MAD1L1: variants seen among roughly 807,000 people sequenced by gnomAD.
The protein encoded by MAD1L1 is mitotic arrest deficient 1 like 1.
MAD1L1 carries 95 observed loss-of-function variants against 96.9 expected under a neutral mutation model. The observed-to-expected ratio is 0.98, with a 90% CI of 0.83 to 1.16. The LOEUF is 1.16. MAD1L1 is among the 50% of genes most tolerant of loss of function. MAD1L1 has a pLI of 0.00. For synonymous variants in MAD1L1, 473 were observed against 396.6 expected (o/e 1.19, Z -2.29); for missense variants, 1,007 against 954.4 (o/e 1.06, Z -0.73).
At chr7:1,851,349 C>T (rs904741355) in intron 18 of MAD1L1, among the ~76,000 whole-genome samples, 5 of 152,206 alleles carry the variant, frequency 3.3e-5, no homozygotes, top group Non-Finnish European at 7.3e-5. Context: ...GGTGTCTGCA[C>T]GTTCGTCCTG....
intron 12 of MAD1L1, among the ~76,000 whole-genome samples, chr7:2,015,205 A>T (rs937966345): frequency 1.3e-5 from 2 of 152,118 alleles, no homozygotes; most frequent in Non-Finnish European, 2.9e-5. Context: ...TTCCAATGGG[A>T]CAGGAAACCC....
chr7:2,160,671 C>T (rs1454074939), intron 10 of MAD1L1, among the ~76,000 whole-genome samples: 1 of 148,230 alleles, frequency 6.7e-6, no homozygotes, highest in Non-Finnish European at 1.5e-5. Flanking sequence ...CTCGCTCTGT[C>T]GCCCAGGCTG....
At chr7:2,065,947 A>G (rs1321683191) in intron 12 of MAD1L1, among the ~76,000 whole-genome samples, 2 of 152,266 alleles carry the variant, frequency 1.3e-5, no homozygotes, top group East Asian at 3.8e-4. Flanking sequence ...AGCTTGGGGC[A>G]CTGGAGAAAC....
intron 11 of MAD1L1, among the ~76,000 whole-genome samples, chr7:2,127,668 A>G (rs1162599566): frequency 2.0e-5 from 3 of 152,164 alleles, no homozygotes; most frequent in African/African-American, 7.2e-5. Context: ...GCGGACCCAC[A>G]GGAACCCACC....
chr7:1,946,255 C>T (rs1399303684), intron 16 of MAD1L1, among the ~76,000 whole-genome samples: 1 of 152,198 alleles, frequency 6.6e-6, no homozygotes, highest in Non-Finnish European at 1.5e-5. Context: ...AGGCTCCAGG[C>T]GTGGGGAGAA....
rs1406370938 is a variant in MAD1L1 at position 2,142,626 on chromosome 7, C to T, written c.1073+6526G>A. On this transcript the variant is annotated intron_variant, in intron 11 of 18. Transcript: ENST00000265854. The surrounding 1 kb of genome is among the most constrained non-coding windows in gnomAD (Gnocchi z 4.7). ...TGGACCAGACAGGCATGGCAGGCTGCCACCGTGGAATACATGGAGACAGCC... is the reference window on the plus strand; with the variant it reads ...TGGACCAGACAGGCATGGCAGGCTGTCACCGTGGAATACATGGAGACAGCC... Among the ~76,000 whole-genome samples, 2 of 152,256 alleles carry T rather than the reference C, an allele frequency of 1.3e-5. No individual in the cohort carries two copies. The highest frequency in any genetic ancestry group is 2.4e-5 in the African/African-American group (1 of 41,472).
intron 10 of MAD1L1, among the ~76,000 whole-genome samples, chr7:2,159,113 C>G (rs192861127): frequency 1.3e-4 from 20 of 152,316 alleles, no homozygotes; most frequent in African/African-American, 4.8e-4. Context: ...GGTTTCAGGC[C>G]TGGCTGCTCC....
At chr7:1,883,456 A>G (rs1161197516) in intron 18 of MAD1L1, among the ~76,000 whole-genome samples, 3 of 152,112 alleles carry the variant, frequency 2.0e-5, no homozygotes, top group Non-Finnish European at 4.4e-5. Context: ...AGGGCTGCCC[A>G]TGCCCGCAGG....
intron 10 of MAD1L1, among the ~76,000 whole-genome samples, chr7:2,173,054 T>G (rs1390389117): frequency 6.6e-6 from 1 of 152,220 alleles, no homozygotes; most frequent in Non-Finnish European, 1.5e-5. Context: ...ATAAACAAAG[T>G]GTACATAGTC....
intron 11 of MAD1L1, among the ~76,000 whole-genome samples, chr7:2,090,677 C>G (rs1348503727): frequency 1.3e-5 from 2 of 152,168 alleles, no homozygotes; most frequent in African/African-American, 4.8e-5. Flanking sequence ...CCCAGGCAGG[C>G]CCCCCGCAGG....
chr7:1,946,558 G>A (rs1288058884), intron 16 of MAD1L1, among the ~76,000 whole-genome samples: 2 of 152,282 alleles, frequency 1.3e-5, no homozygotes, highest in Admixed American at 1.3e-4. Flanking sequence ...CCTTTGATGC[G>A]ATGGTGCAAT....
chr7:1,914,653 G>A (rs1367717293), intron 17 of MAD1L1, among the ~76,000 whole-genome samples: 2 of 152,140 alleles, frequency 1.3e-5, no homozygotes, highest in Non-Finnish European at 2.9e-5. Flanking sequence ...TCACTATGTT[G>A]CCCAGGGTAG....
chr7:2,069,318 G>T lies in MAD1L1; in HGVS notation c.1094C>A (p.Ala365Asp). 6.2e-7 allele frequency: 1 copy of T among 1,603,428 alleles called. No individual in the cohort carries two copies. Residue 365 changes from alanine (A) to aspartate (D), a missense_variant, in exon 12 of 19, where the codon GCC becomes GAC. Ala to Asp is a moderately radical substitution (Grantham distance 126). Coordinates refer to ENST00000265854, the MANE Select transcript of MAD1L1 (RefSeq NM_001013836.2). ...VTSSARGLEKARQQLQEELRQ... is the reference protein window; with the variant it reads ...VTSSARGLEKDRQQLQEELRQ... ...GAGCTCCTCCTGCAGCTGCTGCCTG[G>T]CCTTCTCCAGCCCCCGGGCGCTGCA...
At chr7:1,824,979 C>T (rs1782316308) in intron 18 of MAD1L1, among the ~76,000 whole-genome samples, 1 of 147,858 alleles carries the variant, frequency 6.8e-6, no homozygotes, top group South Asian at 2.2e-4. Context: ...CACACCCACA[C>T]TCACAGAGTG....
chr7:1,926,614 G>A lies in MAD1L1; in HGVS notation c.1807+10073C>T, dbSNP rs553089844. ...ATGACACACTGTCAATCACACTAAC[G>A]GTGTAAGGGAAAAAAAACATACGAT... On this transcript the variant is annotated intron_variant, in intron 17 of 18. Transcript: ENST00000265854. Among the ~76,000 whole-genome samples, 6 of 152,170 alleles carry A rather than the reference G, an allele frequency of 3.9e-5. No homozygotes were observed. The South Asian group carries it at 1.2e-3, about 32-fold the overall frequency.
chr7:2,150,640 G>C (rs999647386), intron 10 of MAD1L1, among the ~76,000 whole-genome samples: 3 of 152,224 alleles, frequency 2.0e-5, no homozygotes, highest in African/African-American at 7.2e-5. Context: ...CCCAGCATTA[G>C]TTTGGTGTTT....
At chr7:1,889,474 G>A (rs1786400685) in intron 18 of MAD1L1, among the ~76,000 whole-genome samples, 1 of 152,190 alleles carries the variant, frequency 6.6e-6, no homozygotes, top group South Asian at 2.1e-4. Context: ...CCCAGCCCAG[G>A]GGCTCCACAG....
At chr7:1,837,084 C>T (rs560380746) in intron 18 of MAD1L1, among the ~76,000 whole-genome samples, 1 of 152,298 alleles carries the variant, frequency 6.6e-6, no homozygotes, top group Non-Finnish European at 1.5e-5. Context: ...GAAGGATTTG[C>T]ATCTGGAGTA....
intron 11 of MAD1L1, among the ~76,000 whole-genome samples, chr7:2,102,584 C>T (rs1786865506): frequency 6.6e-6 from 1 of 152,132 alleles, no homozygotes; most frequent in Admixed American, 6.5e-5. Flanking sequence ...ACCACATCCC[C>T]ATCACCACTG....
Sources: allele counts gnomAD v4.1 joint callset (sites outside exome capture counted in the v4.1 genomes callset), GRCh38; gene constraint gnomAD v4.1.1; non-coding constraint Gnocchi (gnomAD v3.1); transcripts MANE v1.5; gene names NCBI Gene and HGNC (gene_info 2026-07-23, HGNC 2026-07-21).